Variants in RFX3 observed in about 807,000 individuals in gnomAD.
The protein encoded by RFX3 is regulatory factor X3.
RFX3 carries 14 observed loss-of-function variants against 98.6 expected under a neutral mutation model. The ratio of observed to expected loss-of-function variants is 0.14; its 90% CI spans 0.09 to 0.22. RFX3 has a LOEUF of 0.22. Ranked by LOEUF, RFX3 falls within the 10% of genes least tolerant of loss-of-function variation. The pLI is 1.00. For synonymous variants in RFX3, 383 were observed against 328.4 expected (o/e 1.17, Z -1.80); for missense variants, 639 against 926.9 (o/e 0.69, Z 4.03).
intron 4 of RFX3, among the ~76,000 whole-genome samples, chr9:3,314,755 C>G (rs543332214): frequency 6.6e-6 from 1 of 151,814 alleles, no homozygotes; most frequent in South Asian, 2.1e-4. Flanking sequence ...CTTTAAACCA[C>G]AAAGACCAAA....
At chr9:3,337,218 C>G (rs750767380) in intron 3 of RFX3, among the ~76,000 whole-genome samples, 1 of 152,094 alleles carries the variant, frequency 6.6e-6, no homozygotes, top group Non-Finnish European at 1.5e-5. Context: ...TAAGATGATT[C>G]TGGAACCTGT....
chr9:3,355,041 G>T (rs1320873720), intron 2 of RFX3, among the ~76,000 whole-genome samples: 3 of 151,516 alleles, frequency 2.0e-5, no homozygotes, highest in Admixed American at 6.6e-5. Context: ...ATTATTGGTT[G>T]AACACAGACT....
At chr9:3,396,504 T>A (rs1427109434) in intron 1 of RFX3, among the ~76,000 whole-genome samples, 1 of 152,194 alleles carries the variant, frequency 6.6e-6, no homozygotes, top group Admixed American at 6.5e-5. Context: ...TAAACATATG[T>A]GTTCGTGTGT....
At chr9:3,311,703 G>A (rs1829977039) in intron 4 of RFX3, among the ~76,000 whole-genome samples, 2 of 151,908 alleles carry the variant, frequency 1.3e-5, no homozygotes, top group African/African-American at 4.8e-5. Context: ...TGGCCAACAT[G>A]GCAAAACCTC....
chr9:3,275,932 T>C (rs977107488), intron 8 of RFX3, among the ~76,000 whole-genome samples: 11 of 152,154 alleles, frequency 7.2e-5, no homozygotes, highest in Non-Finnish European at 1.3e-4. Context: ...TCGAGCTTGC[T>C]AGTACCTATT....
intron 13 of RFX3, among the ~76,000 whole-genome samples, chr9:3,262,478 G>A (rs1187777172): frequency 6.6e-6 from 1 of 152,096 alleles, no homozygotes; most frequent in Non-Finnish European, 1.5e-5. Flanking sequence ...TTCTTTCAAG[G>A]AGGGGCAACA....
At chr9:3,505,240 TTATATATATATG>T (rs1816855323) in intron 1 of RFX3, among the ~76,000 whole-genome samples, 2 of 84,162 alleles carry the variant, frequency 2.4e-5, no homozygotes, top group Non-Finnish European at 3.7e-5. Flanking sequence ...GAATATATAT[TTATATATATATG>T]AATATATATT....
intron 1 of RFX3, among the ~76,000 whole-genome samples, chr9:3,494,834 G>A (rs1441376109): frequency 2.6e-5 from 4 of 151,990 alleles, no homozygotes; most frequent in Admixed American, 1.3e-4. Context: ...AAGTTATGAA[G>A]AAAATGCAGC....
chr9:3,380,498 T>C (rs1443573033), intron 2 of RFX3, among the ~76,000 whole-genome samples: 1 of 152,292 alleles, frequency 6.6e-6, no homozygotes, highest in Non-Finnish European at 1.5e-5. Context: ...TCAATCAGTA[T>C]TATAAAAAGT....
rs116679774 is a variant in RFX3 at position 3,475,212 on chromosome 9, C to T, written c.-9+50535G>A. ...AAGCATTATATCTTCATCTTGAACA[C>T]TGTAGGGTCCAGCCCCACAGGGTCA... On this transcript the variant is annotated intron_variant, in intron 1 of 16. Transcript: ENST00000617270. 2.0e-3 allele frequency among the ~76,000 whole-genome samples: 305 copies of T among 152,090 alleles called. 2 individuals carry two copies. The highest frequency in any genetic ancestry group is 6.7e-3 in the African/African-American group (280 of 41,484).
chr9:3,369,056 CT>C (rs1837520878), intron 2 of RFX3, among the ~76,000 whole-genome samples: 1 of 152,132 alleles, frequency 6.6e-6, no homozygotes, highest in South Asian at 2.1e-4. Flanking sequence ...TGACAAGTAG[CT>C]TTGAGCTTCC....
chr9:3,257,073 T>A lies in RFX3; in HGVS notation c.1732A>T (p.Met578Leu). The A allele has an allele frequency of 6.2e-7, 1 of 1,613,994 alleles. No homozygotes were observed. Among genetic ancestry groups the A allele is most frequent in the Non-Finnish European group, 8.5e-7 (1 of 1,179,978 alleles). ...CCTTCATAGGGTTTCAGTGCTTGCATCATCACATTGTCAAGCCACGCAGCC... is the reference window on the plus strand; with the variant it reads ...CCTTCATAGGGTTTCAGTGCTTGCAACATCACATTGTCAAGCCACGCAGCC... ...QWAAWLDNVM[M>L]QALKPYEGRP... Residue 578 changes from methionine to leucine, a missense_variant, in exon 14 of 17, where the codon ATG (methionine) becomes TTG (leucine). Met to Leu is a conservative substitution (Grantham distance 15, BLOSUM62 2). Coordinates refer to ENST00000617270, the MANE Select transcript of RFX3 (RefSeq NM_001282116.2).
intron 4 of RFX3, among the ~76,000 whole-genome samples, chr9:3,320,190 C>G (rs59378342): frequency 0.11 from 16,081 of 150,804 alleles, 868 homozygotes; most frequent in Middle Eastern, 0.19. Context: ...CAAGTGACTT[C>G]TTTTTTTTAA....
chr9:3,478,609 A>G (rs1441261866), intron 1 of RFX3, among the ~76,000 whole-genome samples: 1 of 152,112 alleles, frequency 6.6e-6, no homozygotes, highest in Non-Finnish European at 1.5e-5. Flanking sequence ...GAAGCTTACA[A>G]ATAGCACTGA....
intron 1 of RFX3, among the ~76,000 whole-genome samples, chr9:3,432,620 A>C (rs1014015993): frequency 6.6e-6 from 1 of 152,230 alleles, no homozygotes; most frequent in Admixed American, 6.5e-5. Flanking sequence ...GTTTGAAGAC[A>C]TGGATCTTGG....
At chr9:3,522,314 AC>A (rs1275178891) in intron 1 of RFX3, among the ~76,000 whole-genome samples, 1 of 152,188 alleles carries the variant, frequency 6.6e-6, no homozygotes, top group Non-Finnish European at 1.5e-5. Flanking sequence ...TGTCATGGCC[AC>A]TGGGAATATA....
chr9:3,451,740 C>G (rs1846655153), intron 1 of RFX3, among the ~76,000 whole-genome samples: 1 of 151,824 alleles, frequency 6.6e-6, no homozygotes, highest in African/African-American at 2.4e-5. Context: ...ATAGGGGAAA[C>G]TGGGTGTAGC....
chr9:3,343,816 T>C (rs766430397), intron 3 of RFX3, among the ~76,000 whole-genome samples: 31 of 152,204 alleles, frequency 2.0e-4, no homozygotes, highest in Non-Finnish European at 4.0e-4. Context: ...AGGATACAAT[T>C]TGAGTCCACA....
At chr9:3,325,573 T>C (rs1024701749) in intron 4 of RFX3, among the ~76,000 whole-genome samples, 29 of 152,076 alleles carry the variant, frequency 1.9e-4, no homozygotes, top group Admixed American at 1.6e-3. Flanking sequence ...AAATGATTAA[T>C]GTAATCTTAA....
Sources: allele counts gnomAD v4.1 joint callset (sites outside exome capture counted in the v4.1 genomes callset), GRCh38; gene constraint gnomAD v4.1.1; transcripts MANE v1.5; gene names NCBI Gene and HGNC (gene_info 2026-07-23, HGNC 2026-07-21).